TRPV4: variants seen among roughly 807,000 people sequenced by gnomAD.
TRPV4 encodes OSM9-like transient receptor potential channel 4.
A neutral mutation model predicts 84.1 loss-of-function variants in TRPV4; 58 were observed. The ratio of observed to expected loss-of-function variants is 0.69; its 90% CI spans 0.56 to 0.86. The LOEUF is 0.86. Among genes scored for constraint, TRPV4 ranks in the 40% least tolerant of loss-of-function variants. The probability of loss-of-function intolerance (pLI) is 0.00; values close to 1 mark genes in which losing one functional copy is unlikely to be tolerated. For synonymous variants in TRPV4, 489 were observed against 500.9 expected (o/e 0.98, Z 0.32); for missense variants, 879 against 1,181.1 (o/e 0.74, Z 3.75).
Position 109,784,456 on chromosome 12 carries a change from A to G in TRPV4, c.2337-19T>C. The G allele has an allele frequency of 6.2e-7, 1 of 1,614,058 alleles. No homozygotes were observed. The highest frequency in any genetic ancestry group is 8.5e-7 in the Non-Finnish European group (1 of 1,180,002). ...ATCCACCCTGGCAGGGCCCAAGCAG[A>G]GGGTCATGGGGAACCCCTCAGAGAC... On this transcript the variant is annotated intron_variant, in intron 14 of 15. Transcript: ENST00000261740.
intron 10 of TRPV4, 151 bp from the exon 11 acceptor site, chr12:109,792,968 G>T: frequency 1.4e-6 from 1 of 738,306 alleles, no homozygotes; most frequent in Non-Finnish European, 2.2e-6. Context: ...GATTAGCAGG[G>T]TTCCCCAGCA....
At chr12:109,820,433 G>GATCCCAGA (rs1245117127) in intron 1 of TRPV4, among the ~76,000 whole-genome samples, 1 of 150,526 alleles carries the variant, frequency 6.6e-6, no homozygotes, top group Non-Finnish European at 1.5e-5. Context: ...CAGAGGGTCA[G>GATCCCAGA]ATCCCAGACC....
At position 109,828,875 on chromosome 12, in the gene TRPV4, C is replaced by T. The variant is rs560686202; in HGVS notation, c.-32+4475G>A. On this transcript the variant is annotated intron_variant, in intron 1 of 15. Coordinates refer to ENST00000261740, the MANE Select transcript of TRPV4 (RefSeq NM_021625.5). ...CAGCATTCCTGCCCCTGCCCACCCC[C>T]GGCAGTGGGGAAGCTGTGACACCAT... Among the ~76,000 whole-genome samples, 14 of 152,274 alleles carry T rather than the reference C, an allele frequency of 9.2e-5. No individual in the cohort carries two copies. In the South Asian group the frequency reaches 2.7e-3, roughly 29 times the overall value.
Position 109,798,862 on chromosome 12 carries a change from T to A in TRPV4, c.904A>T (p.Asn302Tyr), listed in dbSNP as rs780551685. 45 of 1,613,770 alleles carry A rather than the reference T, an allele frequency of 2.8e-5. No individual in the cohort carries two copies. The highest frequency in any genetic ancestry group is 3.8e-5 in the Non-Finnish European group (45 of 1,179,982). ...TTGTGGGGGTTCTCCGTCAGGTAGT[T>A]GACAATGTGGGGCTGGTTGGTGCAG... Reference protein sequence around the residue: ...AACTNQPHIVNYLTENPHKKA... With the variant: ...AACTNQPHIVYYLTENPHKKA... Residue 302 changes from asparagine (N) to tyrosine (Y), a missense_variant, in exon 6 of 16, where the codon AAC (asparagine) becomes TAC (tyrosine). Asn to Tyr is a moderately radical substitution (Grantham distance 143, BLOSUM62 -2). Coordinates refer to ENST00000261740, the MANE Select transcript of TRPV4 (RefSeq NM_021625.5). This position sits in a 1 kb window ranked among gnomAD's most constrained non-coding sequence, Gnocchi z 5.0.
chr12:109,792,412 A>G lies in TRPV4; in HGVS notation c.1842T>C (p.Leu614=). ...IMIQKILFKD[L]FRFLLVYLLF... ...GCAAGTAGACGAGCAGGAATCGGAA[A>G]AGGTCCTTGAAGAGAATCTAAAGAC... The change falls in exon 12 of 16, where the codon CTT becomes CTC. Residue 614 remains leucine (L), a synonymous_variant. Transcript: ENST00000261740. 6.2e-7 allele frequency: 1 copy of G among 1,614,012 alleles called. No homozygotes were observed. Among genetic ancestry groups the G allele is most frequent in the Non-Finnish European group, 8.5e-7 (1 of 1,179,994 alleles).
chr12:109,794,516 C>A, intron 7 of TRPV4, 29 bp from the exon 8 acceptor site: 3 of 1,612,824 alleles, frequency 1.9e-6, no homozygotes, highest in Non-Finnish European at 2.5e-6. Context: ...TCGGGGGCTG[C>A]CTTCCTGAGA....
At chr12:109,817,743 A>C (rs146480231) in intron 1 of TRPV4, among the ~76,000 whole-genome samples, 40 of 152,308 alleles carry the variant, frequency 2.6e-4, no homozygotes, top group African/African-American at 9.1e-4. Flanking sequence ...AGCCCTCATC[A>C]TGACTCCAGA....
intron 5 of TRPV4, among the ~76,000 whole-genome samples, chr12:109,800,001 G>A (rs1294761047): frequency 6.6e-6 from 1 of 151,956 alleles, no homozygotes; most frequent in Non-Finnish European, 1.5e-5. Context: ...GGAGTGCAAT[G>A]GGGAAATCTC....
intron 2 of TRPV4, among the ~76,000 whole-genome samples, chr12:109,811,989 G>A (rs1026434178): frequency 1.3e-5 from 2 of 152,168 alleles, no homozygotes; most frequent in African/African-American, 4.8e-5. Flanking sequence ...CTCAGGAGGA[G>A]CTGGCTAGGA....
At chr12:109,797,938 G>A (rs953281323) in intron 6 of TRPV4, among the ~76,000 whole-genome samples, 5 of 152,290 alleles carry the variant, frequency 3.3e-5, no homozygotes, top group African/African-American at 1.2e-4. Context: ...ACAGAAAAGG[G>A]AAATGAGATG....
At position 109,794,508 on chromosome 12, in the gene TRPV4, G is replaced by A. The variant is rs754836719; in HGVS notation, c.1333-21C>T. The A allele has an allele frequency of 1.9e-5, 31 of 1,613,016 alleles. No individual in the cohort carries two copies. In the Middle Eastern group the frequency reaches 5.0e-4, roughly 26 times the overall value. Reference sequence around the variant, plus strand: ...CGGTTCTAAGAGAGGCAGGGTGGTCGGGGGCTGCCTTCCTGAGATGGGTGG... The same window carrying A: ...CGGTTCTAAGAGAGGCAGGGTGGTCAGGGGCTGCCTTCCTGAGATGGGTGG... On this transcript the variant is annotated intron_variant, in intron 7 of 15. Transcript: ENST00000261740.
In TRPV4 at chr12:109,794,077, C is replaced by T. The variant is rs372093661; in HGVS notation, c.1492-55G>A. 14,211 of 1,434,068 alleles carry T rather than the reference C, an allele frequency of 9.9e-3. 90 individuals are homozygous for T. The highest frequency in any genetic ancestry group is 0.011 in the Non-Finnish European group (11,845 of 1,034,032). The allele number at this position is 1,434,068 out of a possible 1,614,324, so 88.8% of individuals were successfully genotyped here. ...CACCCAGCCCCTCCAACATCTGGCC[C>T]CCAATCCAGATGTTCCCCCAGGCCC... is the stretch of plus-strand genomic sequence containing the variant. On this transcript the variant is annotated intron_variant, in intron 8 of 15. Coordinates refer to ENST00000261740, the MANE Select transcript of TRPV4 (RefSeq NM_021625.5).
At chr12:109,821,254 C>G (rs911777430) in intron 1 of TRPV4, among the ~76,000 whole-genome samples, 1 of 152,228 alleles carries the variant, frequency 6.6e-6, no homozygotes, top group South Asian at 2.1e-4. Flanking sequence ...TGCAGTGGCA[C>G]CTGTTTGCAG....
rs772074281 is a variant in TRPV4, at chr12:109,788,627, G to A, written c.1981C>T (p.Arg661Cys). Reference sequence around the variant, plus strand: ...AAGGTGCTGAAGGTCTCGCTGTCACGGCACGAGGGGTAAGTGGGCACTGTG... The same window carrying A: ...AAGGTGCTGAAGGTCTCGCTGTCACAGCACGAGGGGTAAGTGGGCACTGTG... ...NCTVPTYPSC[R>C]DSETFSTFLL... is the part of the protein sequence containing the mutation. The change falls in exon 13 of 16, where the codon CGT becomes TGT. Residue 661 changes from arginine (R) to cysteine (C), a missense_variant. Coordinates refer to ENST00000261740, the MANE Select transcript of TRPV4 (RefSeq NM_021625.5). 17 of 1,614,134 alleles carry A rather than the reference G, an allele frequency of 1.1e-5. No individual in the cohort carries two copies. Among genetic ancestry groups the A allele is most frequent in the Middle Eastern group, 1.6e-4 (1 of 6,084 alleles).
At chr12:109,820,624 G>A (rs140980450) in intron 1 of TRPV4, among the ~76,000 whole-genome samples, 2,521 of 144,540 alleles carry the variant, frequency 0.017, 30 homozygotes, top group Admixed American at 0.027. Context: ...CCGGGTTCAC[G>A]CCATTCTTCT....
At chr12:109,817,483 G>GC (rs1429683934) in intron 1 of TRPV4, among the ~76,000 whole-genome samples, 1 of 152,084 alleles carries the variant, frequency 6.6e-6, no homozygotes, top group Non-Finnish European at 1.5e-5. Context: ...CAGGAGGATA[G>GC]CCCTCCCCTA....
At chr12:109,823,411 G>A (rs1892164932) in intron 1 of TRPV4, among the ~76,000 whole-genome samples, 1 of 152,242 alleles carries the variant, frequency 6.6e-6, no homozygotes, top group African/African-American at 2.4e-5. Flanking sequence ...GCCCTTGGCT[G>A]GAGGGAGGCC....
At chr12:109,787,500 A>G (rs1018050074) in intron 13 of TRPV4, among the ~76,000 whole-genome samples, 7 of 152,168 alleles carry the variant, frequency 4.6e-5, no homozygotes, top group Non-Finnish European at 8.8e-5. Context: ...GCTACTCGGG[A>G]GGCTGAGGAC....
Position 109,808,290 on chromosome 12 carries a change from G to T in TRPV4, c.559+6C>A, listed in dbSNP as rs1891268388. ...CCCACTGGCTATGCCCATCTGGGTG[G>T]CTCACCTCGAAACTCCTCATCAGTT... is the stretch of plus-strand genomic sequence containing the variant. On this transcript the variant is annotated splice_donor_region_variant and intron_variant, in intron 3 of 15. Coordinates refer to ENST00000261740, the MANE Select transcript of TRPV4 (RefSeq NM_021625.5). 4 of 1,613,968 alleles carry T rather than the reference G, an allele frequency of 2.5e-6. No homozygotes were observed. The highest frequency in any genetic ancestry group is 3.4e-6 in the Non-Finnish European group (4 of 1,179,948).
Sources: allele counts gnomAD v4.1 joint callset (sites outside exome capture counted in the v4.1 genomes callset), GRCh38; gene constraint gnomAD v4.1.1; non-coding constraint Gnocchi (gnomAD v3.1); transcripts MANE v1.5; gene names NCBI Gene and HGNC (gene_info 2026-07-23, HGNC 2026-07-21).